ATF2: variants seen among roughly 807,000 people sequenced by gnomAD.
ATF2 encodes cyclic AMP-dependent transcription factor ATF-2.
ATF2 carries 24 observed loss-of-function variants against 60.6 expected under a neutral mutation model. That is an observed-to-expected ratio of 0.40 (90% CI 0.29 to 0.56). The LOEUF (loss-of-function observed/expected upper bound fraction) is 0.56. Ranked by LOEUF, ATF2 falls within the 20% of genes least tolerant of loss-of-function variation. The pLI, the probability that ATF2 is intolerant of heterozygous loss-of-function variation, is 0.54. For missense variants in ATF2, 433 were observed against 607.7 expected (o/e 0.71, Z 3.02); for synonymous variants, 206 against 215.4 (o/e 0.96, Z 0.38).
At chr2:175,129,045 C>T (rs1428202272) in intron 4 of ATF2, among the ~76,000 whole-genome samples, 1 of 152,042 alleles carries the variant, frequency 6.6e-6, no homozygotes, top group African/African-American at 2.4e-5. Context: ...AAGACTTGTA[C>T]ACAAGTATTC....
chr2:175,165,073 T>C (rs953610406), intron 1 of ATF2, among the ~76,000 whole-genome samples: 1 of 152,186 alleles, frequency 6.6e-6, no homozygotes, highest in Admixed American at 6.5e-5. Context: ...TCCGCCTGCC[T>C]CAGCCTCCCA....
At chr2:175,112,155 C>T (rs557123805) in intron 9 of ATF2, among the ~76,000 whole-genome samples, 166 of 151,894 alleles carry the variant, frequency 1.1e-3, no homozygotes, top group African/African-American at 4.0e-3. Flanking sequence ...TGGTTTTTTC[C>T]TTTTTTTTCT....
intron 12 of ATF2, among the ~76,000 whole-genome samples, chr2:175,089,509 A>G (rs1694395958): frequency 6.6e-6 from 1 of 152,176 alleles, no homozygotes; most frequent in Non-Finnish European, 1.5e-5. Flanking sequence ...GGAAATACAG[A>G]ATTGATTAAT....
chr2:175,074,659 A>G lies in ATF2; in HGVS notation c.1468T>C (p.Ser490Pro). The G allele has an allele frequency of 1.2e-6, 2 of 1,613,334 alleles. No individual in the cohort carries two copies. Among genetic ancestry groups the G allele is most frequent in the Admixed American group, 1.7e-5 (1 of 59,864 alleles). The stretch of plus-strand genomic sequence containing the variant: ...GAGGAAGGAGCCATAACGATCTGTG[A>G]AAGAGCAGGCTCTGTACTCTGGTCC... ...MADQSTEPAL[S>P]QIVMAPSSQS... is the part of the protein sequence containing the mutation. The change falls in exon 14 of 14, where the codon TCA becomes CCA. Residue 490 changes from serine (S) to proline (P), a missense_variant. By Grantham distance (74) the Ser-to-Pro change is moderately conservative. This residue lies in a region of ATF2 where 114 missense variants were observed against 104.0 expected (regional missense o/e 1.10). Coordinates refer to ENST00000264110, the MANE Select transcript of ATF2 (RefSeq NM_001880.4).
intron 2 of ATF2, among the ~76,000 whole-genome samples, chr2:175,149,743 T>TC (rs921812762): frequency 2.0e-5 from 3 of 152,160 alleles, no homozygotes; most frequent in African/African-American, 7.2e-5. Flanking sequence ...GACCACTACC[T>TC]CCTAACCAGT....
At chr2:175,115,996 T>C (rs895299271) in intron 7 of ATF2, among the ~76,000 whole-genome samples, 7 of 151,962 alleles carry the variant, frequency 4.6e-5, no homozygotes, top group African/African-American at 1.7e-4. Flanking sequence ...TGTCCTGAGG[T>C]AGGAAAAAGC....
intron 12 of ATF2, among the ~76,000 whole-genome samples, chr2:175,082,127 T>C (rs1178597830): frequency 6.6e-6 from 1 of 152,070 alleles, no homozygotes; most frequent in African/African-American, 2.4e-5. Flanking sequence ...AACATAAAAA[T>C]TAAATAATAA....
chr2:175,107,913 G>A (rs1186155194), intron 10 of ATF2, among the ~76,000 whole-genome samples: 5 of 152,124 alleles, frequency 3.3e-5, no homozygotes, highest in Non-Finnish European at 7.4e-5. Flanking sequence ...ATCTCGGCTC[G>A]CTACAACCTC....
chr2:175,155,775 A>T (rs548656095), intron 1 of ATF2, among the ~76,000 whole-genome samples: 2 of 152,342 alleles, frequency 1.3e-5, no homozygotes, highest in Non-Finnish European at 2.9e-5. Context: ...AAATGAATTA[A>T]TTCAAGCTTG....
intron 12 of ATF2, chr2:175,092,697 C>A: frequency 2.6e-6 from 1 of 382,242 alleles, no homozygotes; most frequent in Non-Finnish European, 5.0e-6. Context: ...ACTGAAGAAA[C>A]TTATAGTTGT....
At chr2:175,110,631 G>A (rs975579721) in intron 10 of ATF2, among the ~76,000 whole-genome samples, 8 of 152,082 alleles carry the variant, frequency 5.3e-5, no homozygotes, top group African/African-American at 1.9e-4. Flanking sequence ...TTGAGATGGA[G>A]TTTCACTCTG....
At chr2:175,165,120 G>A (rs1400361929) in intron 1 of ATF2, among the ~76,000 whole-genome samples, 1 of 94,396 alleles carries the variant, frequency 1.1e-5, no homozygotes, top group East Asian at 3.9e-4. Context: ...ACCACACCTG[G>A]CTAAGGTGGG....
In ATF2 at chr2:175,093,156, C is replaced by T; in HGVS notation, c.1090G>A (p.Ala364Thr). 6.2e-7 allele frequency: 1 copy of T among 1,614,156 alleles called. No homozygotes were observed. Among genetic ancestry groups the T allele is most frequent in the East Asian group, 2.2e-5 (1 of 44,880 alleles). Residue 364 changes from alanine to threonine, a missense_variant, in exon 12 of 14, where the codon GCA (alanine) becomes ACA (threonine). Physicochemically the swap from Ala to Thr is moderately conservative, Grantham distance 58 (BLOSUM62 0). Around this residue, in one of 5 missense-constraint regions of ATF2, gnomAD observed 24 missense variants for 75.4 expected, o/e 0.32. Coordinates refer to ENST00000264110, the MANE Select transcript of ATF2 (RefSeq NM_001880.4). ...KRRKFLERNR[A>T]AASRCRQKRK... ...TTTTGTCGGCATCTTGAAGCTGCTG[C>T]TCTATTTCGCTCTAAAAACTTTCTC...
At chr2:175,094,404 A>G (rs1355419313) in intron 11 of ATF2, among the ~76,000 whole-genome samples, 3 of 49,328 alleles carry the variant, frequency 6.1e-5, no homozygotes, top group African/African-American at 1.5e-4. Flanking sequence ...AAAAAATACG[A>G]AAAAAAAAAA....
intron 7 of ATF2, 130 bp from the exon 8 acceptor site, chr2:175,114,998 A>G (rs1438253924): frequency 5.4e-6 from 4 of 746,574 alleles, no homozygotes; most frequent in Non-Finnish European, 7.8e-6. Context: ...AATATCTCAA[A>G]TTAATTAAAA....
chr2:175,167,652 T>G, intron 1 of ATF2: 1 of 503,272 alleles, frequency 2.0e-6, no homozygotes, highest in Non-Finnish European at 4.1e-6. Flanking sequence ...GGGAGAGGTC[T>G]CCCTGCGCAC....
chr2:175,111,573 T>C lies in ATF2; in HGVS notation c.823A>G (p.Lys275Glu). ...SSPQPVQSEA[K>E]MRLKAALTQQ... Reference sequence around the variant, plus strand: ...ACAAATAAAATCTGGCTTACCATTTTTGCTTCTGACTGTACTGGTTGGGGA... The same window carrying C: ...ACAAATAAAATCTGGCTTACCATTTCTGCTTCTGACTGTACTGGTTGGGGA... The change falls in exon 10 of 14, where the codon AAA (lysine) becomes GAA (glutamate). Residue 275 changes from lysine to glutamate, a missense_variant. Physicochemically the swap from Lys to Glu is moderately conservative, Grantham distance 56. Around this residue, in one of 5 missense-constraint regions of ATF2, gnomAD observed 246 missense variants for 309.3 expected, o/e 0.80. Coordinates refer to ENST00000264110, the MANE Select transcript of ATF2 (RefSeq NM_001880.4). The C allele has an allele frequency of 6.2e-7, 1 of 1,612,846 alleles. No individual in the cohort carries two copies. The highest frequency in any genetic ancestry group is 8.5e-7 in the Non-Finnish European group (1 of 1,179,016).
At chr2:175,141,183 G>A (rs1698513453) in intron 2 of ATF2, among the ~76,000 whole-genome samples, 2 of 151,168 alleles carry the variant, frequency 1.3e-5, no homozygotes, top group Non-Finnish European at 2.9e-5. Flanking sequence ...CAGGGCTAAT[G>A]ACCATTTGAC....
chr2:175,131,256 T>G (rs1310748220), intron 3 of ATF2, among the ~76,000 whole-genome samples: 1 of 152,234 alleles, frequency 6.6e-6, no homozygotes, highest in African/African-American at 2.4e-5. Flanking sequence ...GAAACACTGG[T>G]CTAGACTTCT....
Sources: gnomAD v4.1 joint callset for allele counts (sites outside exome capture counted in the v4.1 genomes callset) on GRCh38, gnomAD v4.1.1 for gene constraint, gnomAD v4.1.1 regional missense constraint, MANE v1.5 for transcripts, NCBI Gene and HGNC (gene_info 2026-07-23, HGNC 2026-07-21) for gene names.